Variants in PPM1L observed in about 807,000 individuals in gnomAD.
The protein encoded by PPM1L is protein phosphatase, Mg2+/Mn2+ dependent 1L, also known as protein phosphatase 1L.
PPM1L carries 13 observed loss-of-function variants against 31.4 expected under a neutral mutation model. The ratio of observed to expected loss-of-function variants is 0.41; its 90% CI spans 0.27 to 0.66. The LOEUF (loss-of-function observed/expected upper bound fraction) is 0.66, where lower values mean the gene tolerates loss of function less well. Among genes scored for constraint, PPM1L ranks in the 30% least tolerant of loss-of-function variants. The pLI, the probability that PPM1L is intolerant of heterozygous loss-of-function variation, is 0.29. For synonymous variants in PPM1L, 184 were observed against 175.4 expected (o/e 1.05, Z -0.39); for missense variants, 326 against 453.7 (o/e 0.72, Z 2.56).
chr3:161,050,723 T>C lies in PPM1L; in HGVS notation c.575-14680T>C, dbSNP rs534813203. Among the ~76,000 whole-genome samples the C allele has an allele frequency of 3.7e-4, 57 of 152,288 alleles. 1 individual carries two copies. In the South Asian group the frequency reaches 0.01, roughly 27 times the overall value. ...TTAATGTCCTTGTAATGCTTTCTTG[T>C]TTGGATAGTTAATAATGCATTTTGT... On this transcript the variant is annotated intron_variant, in intron 2 of 3. Coordinates refer to ENST00000498165, the MANE Select transcript of PPM1L (RefSeq NM_139245.4).
chr3:160,952,660 G>A (rs1008786941), intron 1 of PPM1L, among the ~76,000 whole-genome samples: 8 of 152,188 alleles, frequency 5.3e-5, no homozygotes, highest in Non-Finnish European at 1.0e-4. Flanking sequence ...CTTATTTAAT[G>A]ATTTATCAGT....
intron 1 of PPM1L, among the ~76,000 whole-genome samples, chr3:160,760,668 G>C (rs949113812): frequency 2.7e-5 from 4 of 150,308 alleles, no homozygotes; most frequent in Admixed American, 2.6e-4. Flanking sequence ...GAAAATCATT[G>C]TTTTTGTGCT....
intron 1 of PPM1L, among the ~76,000 whole-genome samples, chr3:160,797,681 C>T (rs149817591): frequency 1.9e-3 from 292 of 152,266 alleles, no homozygotes; most frequent in African/African-American, 6.6e-3. Context: ...GCCTTCTTGC[C>T]AATACGGGAA....
At chr3:160,823,370 T>C (rs1329321198) in intron 1 of PPM1L, among the ~76,000 whole-genome samples, 2 of 55,184 alleles carry the variant, frequency 3.6e-5, no homozygotes, top group East Asian at 2.7e-3. Context: ...TATAAATGAT[T>C]TTTTTTTTTT....
intron 1 of PPM1L, among the ~76,000 whole-genome samples, chr3:160,828,091 C>T (rs547995833): frequency 5.3e-5 from 8 of 152,010 alleles, no homozygotes; most frequent in African/African-American, 9.6e-5. Context: ...CCCACCAGGC[C>T]GCACCTCCAG....
intron 2 of PPM1L, among the ~76,000 whole-genome samples, chr3:161,023,273 TCATC>T (rs1718290038): frequency 6.6e-6 from 1 of 152,162 alleles, no homozygotes; most frequent in Non-Finnish European, 1.5e-5. Context: ...TTAATGTATT[TCATC>T]CCATTTTGTA....
intron 1 of PPM1L, among the ~76,000 whole-genome samples, chr3:160,849,020 G>A (rs1714172645): frequency 6.6e-6 from 1 of 152,162 alleles, no homozygotes; most frequent in African/African-American, 2.4e-5. Flanking sequence ...AGGGTGGAGA[G>A]TGCATATGGG....
chr3:160,956,497 G>A (rs1027932441), intron 1 of PPM1L, among the ~76,000 whole-genome samples: 3 of 152,352 alleles, frequency 2.0e-5, no homozygotes, highest in African/African-American at 7.2e-5. Flanking sequence ...TTTAATTCAG[G>A]TGTACAGCTC....
intron 1 of PPM1L, among the ~76,000 whole-genome samples, chr3:160,943,610 G>T (rs561535688): frequency 4.6e-5 from 7 of 152,300 alleles, no homozygotes; most frequent in African/African-American, 1.4e-4. Context: ...TTAAAATATT[G>T]TATTAAAATG....
intron 1 of PPM1L, among the ~76,000 whole-genome samples, chr3:160,762,364 G>A (rs943578730): frequency 6.6e-6 from 1 of 152,080 alleles, no homozygotes; most frequent in African/African-American, 2.4e-5. Flanking sequence ...TTTTTGTATG[G>A]GAATGTAGGA....
chr3:160,757,707 A>G (rs1215850246), intron 1 of PPM1L, among the ~76,000 whole-genome samples: 3 of 152,208 alleles, frequency 2.0e-5, no homozygotes, highest in African/African-American at 4.8e-5. Context: ...TAACGGGTTC[A>G]TTGCTGCATA....
chr3:160,815,326 G>A (rs1179593626), intron 1 of PPM1L, among the ~76,000 whole-genome samples: 1 of 152,178 alleles, frequency 6.6e-6, no homozygotes, highest in East Asian at 1.9e-4. Context: ...CAGCATAAAT[G>A]CTGTCTACCT....
At chr3:160,765,253 A>T (rs1715076047) in intron 1 of PPM1L, among the ~76,000 whole-genome samples, 1 of 152,208 alleles carries the variant, frequency 6.6e-6, no homozygotes, top group Non-Finnish European at 1.5e-5. Context: ...TGAAACTGCC[A>T]TTCAGACTTA....
Position 160,905,791 on chromosome 3 carries a change from G to A in PPM1L, c.400-55945G>A, listed in dbSNP as rs964885027. On this transcript the variant is annotated intron_variant, in intron 1 of 3. Coordinates refer to ENST00000498165, the MANE Select transcript of PPM1L (RefSeq NM_139245.4). ...TTCTGTTCTTAAAATTCTAGTATTG[G>A]TTGACCCTATTCTCATTTGATTTTT... 3.9e-5 allele frequency among the ~76,000 whole-genome samples: 6 copies of A among 151,936 alleles called. 1 individual carries two copies. The highest frequency in any genetic ancestry group is 1.9e-4 in the East Asian group (1 of 5,188).
intron 1 of PPM1L, among the ~76,000 whole-genome samples, chr3:160,773,913 G>A (rs1711505008): frequency 6.6e-6 from 1 of 151,962 alleles, no homozygotes; most frequent in South Asian, 2.1e-4. Flanking sequence ...TTCTCTGTGG[G>A]CTTCACTTCC....
intron 1 of PPM1L, among the ~76,000 whole-genome samples, chr3:160,939,397 C>T (rs1036827938): frequency 6.6e-6 from 1 of 152,198 alleles, no homozygotes; most frequent in African/African-American, 2.4e-5. Context: ...CAACTCCTTA[C>T]ATCCCTCAAA....
chr3:160,854,083 TG>T (rs951496392), intron 1 of PPM1L, among the ~76,000 whole-genome samples: 1 of 152,200 alleles, frequency 6.6e-6, no homozygotes, highest in Non-Finnish European at 1.5e-5. Context: ...GCCAGGCAGG[TG>T]GTACCCAGTT....
At chr3:161,004,424 C>T (rs1717628327) in intron 2 of PPM1L, among the ~76,000 whole-genome samples, 1 of 135,538 alleles carries the variant, frequency 7.4e-6, no homozygotes, top group Admixed American at 7.6e-5. Flanking sequence ...GGTACCAGTT[C>T]CTCCTTGTAC....
chr3:160,794,809 G>A (rs937573520), intron 1 of PPM1L, among the ~76,000 whole-genome samples: 1 of 152,158 alleles, frequency 6.6e-6, no homozygotes, highest in Non-Finnish European at 1.5e-5. Context: ...ATCTCAGAAT[G>A]TTCTAAGAAA....
Sources: gnomAD v4.1 joint callset for allele counts (sites outside exome capture counted in the v4.1 genomes callset) on GRCh38, gnomAD v4.1.1 for gene constraint, MANE v1.5 for transcripts, NCBI Gene and HGNC (gene_info 2026-07-23, HGNC 2026-07-21) for gene names.